The following SASH1 variants were observed in gnomAD, a reference collection of about 807,000 sequenced individuals.
SASH1 encodes the protein SAM and SH3 domain-containing protein 1.
Under a neutral mutation model 125.2 loss-of-function variants are expected in SASH1, and 44 were observed. The ratio of observed to expected loss-of-function variants is 0.35; its 90% confidence interval spans 0.28 to 0.45. SASH1 has a LOEUF of 0.45. Among genes scored for constraint, SASH1 ranks in the 20% least tolerant of loss-of-function variants. The probability of loss-of-function intolerance (pLI) is 1.00; values close to 1 mark genes in which losing one functional copy is unlikely to be tolerated. For missense variants in SASH1, 1,426 were observed against 1,614.5 expected (o/e 0.88, Z 2.00); for synonymous variants, 639 against 649.1 (o/e 0.98, Z 0.24).
chr6:148,477,807 C>T (rs568328892), intron 7 of SASH1, among the ~76,000 whole-genome samples: 31 of 149,942 alleles, frequency 2.1e-4, no homozygotes, highest in African/African-American at 7.4e-4. Context: ...CAGCAATTCT[C>T]CTGCCTCAGC....
the SASH1 span, among the ~76,000 whole-genome samples, chr6:148,197,847 G>GTTTTGT: frequency 6.6e-6 from 1 of 152,014 alleles, no homozygotes; most frequent in African/African-American, 2.4e-5. Context: ...GATCTGGTGG[G>GTTTTGT]TTTTGTTTTT....
chr6:148,410,245 A>G (rs1401188188), intron 2 of SASH1, among the ~76,000 whole-genome samples: 1 of 149,918 alleles, frequency 6.7e-6, no homozygotes, highest in Non-Finnish European at 1.5e-5. Flanking sequence ...TGAGTAGCTG[A>G]GATTACAGGC....
At chr6:148,292,910 G>A (rs1415584011) in intron 1 of SASH1, among the ~76,000 whole-genome samples, 1 of 151,970 alleles carries the variant, frequency 6.6e-6, no homozygotes, top group Non-Finnish European at 1.5e-5. Flanking sequence ...AAATTAGCCG[G>A]GCATGGTGGC....
chr6:148,538,691 G>A (rs1048441545), intron 16 of SASH1, among the ~76,000 whole-genome samples: 9 of 152,188 alleles, frequency 5.9e-5, no homozygotes, highest in African/African-American at 2.2e-4. Context: ...TGGACAGCCG[G>A]AGAGCTGCCA....
the SASH1 span, among the ~76,000 whole-genome samples, chr6:148,257,944 A>G: frequency 6.6e-6 from 1 of 151,944 alleles, no homozygotes; most frequent in Non-Finnish European, 1.5e-5. Context: ...TTACTTTTGG[A>G]TCTGTTCCAC....
At chr6:148,447,720 C>CTCT (rs1341640894) in intron 4 of SASH1, among the ~76,000 whole-genome samples, 2 of 96,316 alleles carry the variant, frequency 2.1e-5, no homozygotes, top group Non-Finnish European at 5.2e-5. Context: ...TCTCCTCCTC[C>CTCT]TCATCCTCCT....
intron 1 of SASH1, among the ~76,000 whole-genome samples, chr6:148,306,694 C>T (rs778959366): frequency 2.6e-5 from 4 of 152,178 alleles, no homozygotes; most frequent in South Asian, 2.1e-4. Context: ...AAGATTCTCC[C>T]GAGCTGAGAC....
chr6:148,489,087 G>T (rs1778993792), intron 8 of SASH1, among the ~76,000 whole-genome samples: 1 of 151,986 alleles, frequency 6.6e-6, no homozygotes, highest in African/African-American at 2.4e-5. Flanking sequence ...TTTTCTGAGG[G>T]TTTCATAGTT....
the SASH1 span, among the ~76,000 whole-genome samples, chr6:148,255,549 G>C: frequency 6.6e-6 from 1 of 152,282 alleles, no homozygotes; most frequent in African/African-American, 2.4e-5. Flanking sequence ...CTCCTTTTCA[G>C]TTGTGGCACA....
At chr6:148,512,377 T>G (rs752263115) in intron 8 of SASH1, 2 of 621,208 alleles carry the variant, frequency 3.2e-6, no homozygotes, top group Non-Finnish European at 4.0e-6. Context: ...TAATGTTGAT[T>G]CTTCTTCTAT....
At chr6:148,394,688 A>T (rs1783872299) in intron 2 of SASH1, among the ~76,000 whole-genome samples, 1 of 151,826 alleles carries the variant, frequency 6.6e-6, no homozygotes, top group African/African-American at 2.4e-5. Context: ...TTTGTTGCCC[A>T]GGCTGGTGTG....
At chr6:148,537,658 C>T (rs945612627) in intron 16 of SASH1, among the ~76,000 whole-genome samples, 13 of 152,192 alleles carry the variant, frequency 8.5e-5, no homozygotes, top group South Asian at 2.1e-4. Context: ...GTCCTGCTTT[C>T]AAAGAATCCC....
intron 5 of SASH1, among the ~76,000 whole-genome samples, chr6:148,469,698 A>T (rs1462702914): frequency 6.6e-6 from 1 of 151,982 alleles, no homozygotes; most frequent in Non-Finnish European, 1.5e-5. Context: ...GCACCACTGC[A>T]CTCCAGCTTG....
chr6:148,265,044 TA>T, the SASH1 span, among the ~76,000 whole-genome samples: 1 of 152,246 alleles, frequency 6.6e-6, no homozygotes, highest in Non-Finnish European at 1.5e-5. Flanking sequence ...TAGTAGTCAT[TA>T]TTCTCTTTGT....
At chr6:148,249,124 G>A in the SASH1 span, among the ~76,000 whole-genome samples, 3 of 152,158 alleles carry the variant, frequency 2.0e-5, no homozygotes, top group Admixed American at 1.3e-4. Flanking sequence ...CAGCAAAATG[G>A]CTTTCTCCCT....
chr6:148,547,289 C>T (rs1263647455), intron 19 of SASH1, among the ~76,000 whole-genome samples: 1 of 152,146 alleles, frequency 6.6e-6, no homozygotes, highest in East Asian at 1.9e-4. Flanking sequence ...TACTAAGTGA[C>T]TGCGGGGCTG....
chr6:148,299,615 C>T (rs991010603), intron 1 of SASH1, among the ~76,000 whole-genome samples: 4 of 148,598 alleles, frequency 2.7e-5, no homozygotes, highest in South Asian at 2.1e-4. Context: ...TGCAGTGAAC[C>T]GAGATCACGC....
intron 4 of SASH1, among the ~76,000 whole-genome samples, chr6:148,464,964 G>A (rs146911779): frequency 2.0e-5 from 3 of 152,134 alleles, no homozygotes; most frequent in African/African-American, 4.8e-5. Context: ...TTCAAGCAAT[G>A]CCTGGGCCAA....
the SASH1 span, among the ~76,000 whole-genome samples, chr6:148,206,528 G>A: frequency 5.9e-5 from 9 of 152,134 alleles, no homozygotes; most frequent in South Asian, 2.1e-4. Context: ...AGTGGCTCAC[G>A]CCTGTAATCC....
Sources: allele counts gnomAD v4.1 joint callset (sites outside exome capture counted in the v4.1 genomes callset), GRCh38; gene constraint gnomAD v4.1.1; transcripts MANE v1.5; gene names NCBI Gene and HGNC (gene_info 2026-07-23, HGNC 2026-07-21).